The following ROBO1 variants were observed in gnomAD, a reference collection of about 807,000 sequenced individuals.
The protein encoded by ROBO1 is roundabout homolog 1.
A neutral mutation model predicts 195.9 loss-of-function variants in ROBO1; 149 were observed. That is an observed-to-expected ratio of 0.76 (90% CI 0.67 to 0.87). The LOEUF is 0.87. Among genes scored for constraint, ROBO1 ranks in the 40% least tolerant of loss-of-function variants. The pLI is 0.00. For synonymous variants in ROBO1, 816 were observed against 733.2 expected, an observed-to-expected ratio of 1.11 and a Z score of -1.82; for missense variants, 1,933 against 2,068.3, an observed-to-expected ratio of 0.93 and a Z score of 1.27.
chr3:78,676,799 C>T (rs1708463152), intron 10 of ROBO1, among the ~76,000 whole-genome samples: 2 of 152,266 alleles, frequency 1.3e-5, no homozygotes, highest in East Asian at 3.9e-4. Flanking sequence ...GGCAGGCCAA[C>T]ATTCAGATTC....
At chr3:79,762,041 C>T (rs1704726917) in intron 1 of ROBO1, among the ~76,000 whole-genome samples, 1 of 152,136 alleles carries the variant, frequency 6.6e-6, no homozygotes, top group African/African-American at 2.4e-5. Context: ...AAGTTTGAGA[C>T]ATACTGCTTC....
intron 14 of ROBO1, among the ~76,000 whole-genome samples, chr3:78,667,011 A>T (rs1387221497): frequency 6.6e-6 from 1 of 152,118 alleles, no homozygotes; most frequent in Non-Finnish European, 1.5e-5. Flanking sequence ...AAACAAGCAC[A>T]TTTTATTTAC....
At chr3:79,016,244 T>C (rs1313455883) in intron 3 of ROBO1, among the ~76,000 whole-genome samples, 1 of 152,128 alleles carries the variant, frequency 6.6e-6, no homozygotes, top group Non-Finnish European at 1.5e-5. Context: ...TAGTTTGGCC[T>C]CCCAAGTTCA....
At chr3:78,805,164 A>G (rs1262942716) in intron 4 of ROBO1, among the ~76,000 whole-genome samples, 1 of 152,166 alleles carries the variant, frequency 6.6e-6, no homozygotes, top group Non-Finnish European at 1.5e-5. Flanking sequence ...TGTCTGCCCA[A>G]TTAATACTTT....
chr3:78,726,448 C>T (rs1338720564), intron 5 of ROBO1, among the ~76,000 whole-genome samples: 1 of 152,090 alleles, frequency 6.6e-6, no homozygotes, highest in East Asian at 1.9e-4. Context: ...ATGAAGTTGT[C>T]TAAAGCACCT....
chr3:79,099,261 C>A (rs1198240985), intron 3 of ROBO1, among the ~76,000 whole-genome samples: 1 of 151,640 alleles, frequency 6.6e-6, no homozygotes, highest in Non-Finnish European at 1.5e-5. Flanking sequence ...CACTCAGCAC[C>A]AAACACTGTG....
intron 2 of ROBO1, among the ~76,000 whole-genome samples, chr3:79,423,888 CT>C (rs1054921713): frequency 4.6e-5 from 7 of 151,876 alleles, no homozygotes; most frequent in Non-Finnish European, 7.4e-5. Flanking sequence ...GAAGCACATA[CT>C]TTTTTTTCAT....
intron 2 of ROBO1, among the ~76,000 whole-genome samples, chr3:79,153,577 C>A (rs959246431): frequency 4.6e-5 from 7 of 151,252 alleles, no homozygotes; most frequent in Non-Finnish European, 5.9e-5. Context: ...ATTGTTAACA[C>A]GGTGGTCTAA....
intron 2 of ROBO1, among the ~76,000 whole-genome samples, chr3:79,280,331 T>G (rs2031408101): frequency 6.6e-6 from 1 of 152,190 alleles, no homozygotes; most frequent in African/African-American, 2.4e-5. Flanking sequence ...AATATCATTA[T>G]GTACTCTGAG....
chr3:79,242,881 T>A (rs1380637245), intron 2 of ROBO1, among the ~76,000 whole-genome samples: 1 of 152,146 alleles, frequency 6.6e-6, no homozygotes, highest in Admixed American at 6.6e-5. Flanking sequence ...GTGCACAACG[T>A]GCAGGTTTGT....
chr3:79,478,623 G>A (rs2107363184), intron 2 of ROBO1, among the ~76,000 whole-genome samples: 1 of 152,216 alleles, frequency 6.6e-6, no homozygotes, highest in Non-Finnish European at 1.5e-5. Flanking sequence ...TGTACTTCCA[G>A]TTTCTGCCTT....
intron 2 of ROBO1, among the ~76,000 whole-genome samples, chr3:79,213,967 G>A (rs937304833): frequency 4.6e-5 from 7 of 151,444 alleles, no homozygotes; most frequent in South Asian, 2.1e-4. Context: ...CTGGGATTAC[G>A]GGTGCGCACC....
chr3:79,149,156 T>A (rs1360382078), intron 2 of ROBO1, among the ~76,000 whole-genome samples: 1 of 151,942 alleles, frequency 6.6e-6, no homozygotes, highest in Non-Finnish European at 1.5e-5. Flanking sequence ...AGTTGTTAAC[T>A]ACTTACCAGC....
intron 10 of ROBO1, among the ~76,000 whole-genome samples, chr3:78,680,884 G>A (rs1055832252): frequency 3.4e-5 from 5 of 148,870 alleles, no homozygotes; most frequent in Non-Finnish European, 7.5e-5. Context: ...ACATGCACAC[G>A]TGTGTTTATT....
intron 2 of ROBO1, among the ~76,000 whole-genome samples, chr3:79,191,579 C>T (rs971071842): frequency 1.3e-5 from 2 of 150,722 alleles, no homozygotes; most frequent in African/African-American, 2.4e-5. Context: ...ATTAATATAC[C>T]ACACATATTG....
chr3:79,539,003 A>G (rs911158861), intron 2 of ROBO1, among the ~76,000 whole-genome samples: 1 of 152,190 alleles, frequency 6.6e-6, no homozygotes, highest in African/African-American at 2.4e-5. Flanking sequence ...GCAGAAAAAA[A>G]TAAGGTCCTA....
At chr3:79,138,717 A>G (rs922680821) in intron 2 of ROBO1, among the ~76,000 whole-genome samples, 2 of 151,960 alleles carry the variant, frequency 1.3e-5, no homozygotes, top group Non-Finnish European at 2.9e-5. Context: ...ACTGAAAAAA[A>G]TTATAGTATG....
chr3:79,485,847 C>G (rs1490255977), intron 2 of ROBO1, among the ~76,000 whole-genome samples: 13 of 152,128 alleles, frequency 8.5e-5, no homozygotes, highest in Non-Finnish European at 4.4e-5. Context: ...AAATAAAGTA[C>G]CAATTTTACC....
intron 3 of ROBO1, among the ~76,000 whole-genome samples, chr3:79,109,038 G>A (rs1168664138): frequency 6.6e-6 from 1 of 151,596 alleles, no homozygotes; most frequent in African/African-American, 2.4e-5. Flanking sequence ...GAAAAAATTA[G>A]TTACAGGCAT....
Sources: gnomAD v4.1 joint callset for allele counts (sites outside exome capture counted in the v4.1 genomes callset) on GRCh38, gnomAD v4.1.1 for gene constraint, MANE v1.5 for transcripts, NCBI Gene and HGNC (gene_info 2026-07-23, HGNC 2026-07-21) for gene names.